Variants in DGCR2 observed in about 807,000 individuals in gnomAD.
The protein encoded by DGCR2 is integral membrane protein DGCR2/IDD.
In DGCR2, 24 loss-of-function variants were observed where a neutral mutation model predicts 51.6. That is an observed-to-expected ratio of 0.47 (90% CI 0.34 to 0.65). DGCR2 has a LOEUF of 0.65. DGCR2 is among the 30% of genes least tolerant of loss of function. The pLI, the probability that DGCR2 is intolerant of heterozygous loss-of-function variation, is 0.01. For synonymous variants in DGCR2, 340 were observed against 315.4 expected (o/e 1.08, Z -0.82); for missense variants, 765 against 772.1 (o/e 0.99, Z 0.11).
At chr22:19,090,118 A>C (rs2146014370) in intron 1 of DGCR2, among the ~76,000 whole-genome samples, 1 of 152,352 alleles carries the variant, frequency 6.6e-6, no homozygotes, top group Middle Eastern at 3.4e-3. Flanking sequence ...TTGTAGTAGA[A>C]AAGATTAGTG....
At chr22:19,101,044 T>C (rs1184544397) in intron 1 of DGCR2, among the ~76,000 whole-genome samples, 1 of 151,742 alleles carries the variant, frequency 6.6e-6, no homozygotes. Context: ...AGGTGGATGG[T>C]CCTTTGCAGT....
intron 1 of DGCR2, among the ~76,000 whole-genome samples, chr22:19,103,849 C>G (rs2083233506): frequency 6.6e-6 from 1 of 150,396 alleles, no homozygotes; most frequent in Admixed American, 6.6e-5. Context: ...AATTCAAGAC[C>G]AGCCTGGGCA....
At chr22:19,077,004 G>A (rs975803003) in intron 2 of DGCR2, among the ~76,000 whole-genome samples, 1 of 152,140 alleles carries the variant, frequency 6.6e-6, no homozygotes, top group Admixed American at 6.5e-5. Flanking sequence ...GATTACAGGC[G>A]TGAGCCGCCG....
intron 1 of DGCR2, among the ~76,000 whole-genome samples, chr22:19,091,793 A>G (rs910275939): frequency 4.0e-5 from 6 of 151,472 alleles, no homozygotes; most frequent in African/African-American, 1.5e-4. Flanking sequence ...TACAAAAATT[A>G]GTTGGGTGTG....
intron 5 of DGCR2, among the ~76,000 whole-genome samples, chr22:19,062,521 C>A (rs1029918496): frequency 6.6e-6 from 1 of 152,146 alleles, no homozygotes; most frequent in African/African-American, 2.4e-5. Context: ...CTAGCTCAAG[C>A]CACAGGCACA....
At chr22:19,068,818 G>A (rs957624800) in intron 2 of DGCR2, among the ~76,000 whole-genome samples, 1 of 152,278 alleles carries the variant, frequency 6.6e-6, no homozygotes, top group Non-Finnish European at 1.5e-5. Context: ...GCAGGTCTCA[G>A]TGCATGGCTA....
intron 5 of DGCR2, 102 bp downstream of exon 5, chr22:19,063,100 C>A (rs2082703513): frequency 1.8e-6 from 2 of 1,118,256 alleles, no homozygotes; most frequent in Non-Finnish European, 1.3e-6. Context: ...TGCACAGCAC[C>A]CCTACGGGCC....
chr22:19,040,915 G>GAGA (rs2082423321), intron 9 of DGCR2, 143 bp downstream of exon 9: 1 of 753,218 alleles, frequency 1.3e-6, no homozygotes, highest in Non-Finnish European at 2.1e-6. Context: ...GCAGCCCCAG[G>GAGA]AGAAGCCTTA....
intron 5 of DGCR2, among the ~76,000 whole-genome samples, chr22:19,062,715 G>A (rs755402594): frequency 4.6e-5 from 7 of 151,062 alleles, no homozygotes; most frequent in Non-Finnish European, 5.9e-5. Context: ...TTTCCTTTAC[G>A]TCGTCTTGGT....
intron 6 of DGCR2, among the ~76,000 whole-genome samples, chr22:19,054,454 G>A (rs1253312028): frequency 1.3e-5 from 2 of 152,128 alleles, no homozygotes; most frequent in Admixed American, 6.5e-5. Context: ...AGTCTCCCTC[G>A]CCTGACCCAG....
intron 2 of DGCR2, among the ~76,000 whole-genome samples, chr22:19,084,199 A>C (rs1392500602): frequency 6.7e-6 from 1 of 150,272 alleles, no homozygotes; most frequent in Non-Finnish European, 1.5e-5. Flanking sequence ...GGATGTGAGG[A>C]GCCCCTCTGA....
chr22:19,114,757 A>G (rs2083355888), intron 1 of DGCR2, among the ~76,000 whole-genome samples: 1 of 152,086 alleles, frequency 6.6e-6, no homozygotes, highest in Admixed American at 6.5e-5. Context: ...AATCCTCTCC[A>G]CAACTATGAA....
intron 2 of DGCR2, among the ~76,000 whole-genome samples, chr22:19,082,799 A>G (rs571974124): frequency 6.6e-6 from 1 of 151,090 alleles, no homozygotes; most frequent in East Asian, 2.0e-4. Context: ...AAGAAAAGAA[A>G]AAGGTGGCTG....
chr22:19,107,890 G>A (rs781352188), intron 1 of DGCR2, among the ~76,000 whole-genome samples: 8 of 152,210 alleles, frequency 5.3e-5, no homozygotes, highest in Non-Finnish European at 8.8e-5. Flanking sequence ...ACAGGATAGC[G>A]CAGCCAATTT....
intron 1 of DGCR2, among the ~76,000 whole-genome samples, chr22:19,091,283 TG>T (rs1477501375): frequency 2.0e-5 from 3 of 152,258 alleles, no homozygotes; most frequent in African/African-American, 7.2e-5. Flanking sequence ...CACCTGAGCC[TG>T]GAAAGTTAAG....
At chr22:19,086,507 C>T (rs2083018309) in intron 2 of DGCR2, among the ~76,000 whole-genome samples, 3 of 152,008 alleles carry the variant, frequency 2.0e-5, no homozygotes, top group Non-Finnish European at 4.4e-5. Flanking sequence ...TCAATCTGCT[C>T]ACCCTCCAGA....
rs2082395720 is a variant in DGCR2 at position 19,038,570 on chromosome 22, C to A, written c.*295G>T. On this transcript the variant is annotated 3_prime_UTR_variant, in exon 10 of 10. Transcript: ENST00000263196. ...CCCACAGTACCTTCTTCATTCCCTG[C>A]CTCTAACATGTGCGGTCTGAATGAA... 3 of 458,910 alleles carry A rather than the reference C, an allele frequency of 6.5e-6. No homozygotes were observed. The highest frequency in any genetic ancestry group is 6.1e-5 in the African/African-American group (3 of 49,214). The allele number at this position is 458,910 out of a possible 1,614,324, so 28.4% of individuals were successfully genotyped here.
intron 3 of DGCR2, among the ~76,000 whole-genome samples, chr22:19,067,680 G>C (rs1216145541): frequency 1.3e-5 from 2 of 150,056 alleles, no homozygotes; most frequent in African/African-American, 4.9e-5. Context: ...TGACAAGCGT[G>C]AGACTCCGTC....
At chr22:19,040,372 C>CA (rs1401325336) in intron 9 of DGCR2, among the ~76,000 whole-genome samples, 2 of 152,220 alleles carry the variant, frequency 1.3e-5, no homozygotes, top group African/African-American at 2.4e-5. Flanking sequence ...TGCAAGGAGC[C>CA]AGCCACTTTG....
Sources: allele counts gnomAD v4.1 joint callset (sites outside exome capture counted in the v4.1 genomes callset), GRCh38; gene constraint gnomAD v4.1.1; transcripts MANE v1.5; gene names NCBI Gene and HGNC (gene_info 2026-07-23, HGNC 2026-07-21).